Variants in YAP1 observed in about 807,000 individuals in gnomAD.
The protein encoded by YAP1 is transcriptional coactivator YAP1.
A neutral mutation model predicts 56.9 loss-of-function variants in YAP1; 5 were observed. The ratio of observed to expected loss-of-function variants is 0.09; its 90% confidence interval spans 0.05 to 0.18. YAP1 has a LOEUF of 0.18. Among genes scored for constraint, YAP1 ranks in the 10% least tolerant of loss-of-function variants. The pLI, the probability that YAP1 is intolerant of heterozygous loss-of-function variation, is 1.00. For synonymous variants in YAP1, 265 were observed against 248.1 expected (o/e 1.07, Z -0.64); for missense variants, 539 against 651.8 (o/e 0.83, Z 1.88).
At chr11:102,186,820 G>GTGTGTGTT in intron 4 of YAP1, 1 of 150,258 alleles carries the variant, frequency 6.7e-6, no homozygotes, top group East Asian at 1.9e-4. Flanking sequence ...AAAAATGTGT[G>GTGTGTGTT]TGTGTGTGTG....
chr11:102,113,140 C>G (rs1398747358), intron 1 of YAP1, among the ~76,000 whole-genome samples: 1 of 152,136 alleles, frequency 6.6e-6, no homozygotes, highest in Non-Finnish European at 1.5e-5. Context: ...CTGAGTCCTT[C>G]CAGTTTCCTT....
chr11:102,162,050 TTA>T (rs1281184728), intron 2 of YAP1, among the ~76,000 whole-genome samples: 1 of 152,200 alleles, frequency 6.6e-6, no homozygotes, highest in Non-Finnish European at 1.5e-5. Context: ...GGCCTAAAAA[TTA>T]TGTTATTTGG....
At chr11:102,180,862 C>T (rs1947567147) in intron 3 of YAP1, among the ~76,000 whole-genome samples, 1 of 151,768 alleles carries the variant, frequency 6.6e-6, no homozygotes, top group Admixed American at 6.6e-5. Flanking sequence ...AGTAGTAATT[C>T]TCGGTCGGGC....
At chr11:102,115,012 T>G (rs1028835035) in intron 2 of YAP1, among the ~76,000 whole-genome samples, 11 of 152,324 alleles carry the variant, frequency 7.2e-5, no homozygotes, top group Non-Finnish European at 1.6e-4. Context: ...CTAGTAGGTC[T>G]TCACAACAGA....
At chr11:102,186,470 A>T (rs1947954322) in intron 4 of YAP1, 1 of 301,218 alleles carries the variant, frequency 3.3e-6, no homozygotes, top group Non-Finnish European at 6.3e-6. Context: ...TCAGGCTGTC[A>T]TGCAACACCT....
rs1950464268 is a variant in YAP1, at chr11:102,232,407, A to G, written c.*2467A>G. The G allele has an allele frequency of 6.6e-6, 1 of 152,214 alleles. No individual in the cohort carries two copies. Among genetic ancestry groups the G allele is most frequent in the African/African-American group, 2.4e-5 (1 of 41,454 alleles). The allele number at this position is 152,214 out of a possible 1,614,324, so 9.4% of individuals were successfully genotyped here. Reference sequence around the variant, plus strand: ...GCTGTTCTAGAGTTTCAGTCACCTAAGTACACCCACAAAACAATATGAATA... The same window carrying G: ...GCTGTTCTAGAGTTTCAGTCACCTAGGTACACCCACAAAACAATATGAATA... On this transcript the variant is annotated 3_prime_UTR_variant, in exon 9 of 9. Coordinates refer to ENST00000282441, the MANE Select transcript of YAP1 (RefSeq NM_001130145.3).
intron 6 of YAP1, among the ~76,000 whole-genome samples, chr11:102,222,999 C>A (rs1214130513): frequency 6.6e-6 from 1 of 151,764 alleles, no homozygotes; most frequent in African/African-American, 2.4e-5. Context: ...AATCCCAGCA[C>A]TTTTGGGGGG....
chr11:102,225,732 C>T (rs1294184341), intron 7 of YAP1, among the ~76,000 whole-genome samples: 2 of 151,448 alleles, frequency 1.3e-5, no homozygotes, highest in Non-Finnish European at 2.9e-5. Flanking sequence ...AAGCACTGTG[C>T]TTACATCTGA....
chr11:102,211,491 T>C (rs1949402263), intron 6 of YAP1, among the ~76,000 whole-genome samples: 1 of 152,188 alleles, frequency 6.6e-6, no homozygotes, highest in Admixed American at 6.5e-5. Context: ...TTATATATGC[T>C]TTAGTTGTCA....
chr11:102,152,210 G>T (rs1378912031), intron 2 of YAP1, among the ~76,000 whole-genome samples: 1 of 152,136 alleles, frequency 6.6e-6, no homozygotes, highest in Non-Finnish European at 1.5e-5. Context: ...ATTCAATCTG[G>T]TTCACATATA....
chr11:102,167,328 T>A (rs1385448810), intron 3 of YAP1, among the ~76,000 whole-genome samples: 2 of 152,248 alleles, frequency 1.3e-5, no homozygotes, highest in African/African-American at 4.8e-5. Context: ...GGAAATGGAA[T>A]AATGTATTAA....
intron 2 of YAP1, among the ~76,000 whole-genome samples, chr11:102,140,386 CTAGGAT>C (rs1944945735): frequency 6.6e-6 from 1 of 152,092 alleles, no homozygotes; most frequent in Non-Finnish European, 1.5e-5. Context: ...ATATAATAAT[CTAGGAT>C]ATTTAAAAGT....
intron 2 of YAP1, among the ~76,000 whole-genome samples, chr11:102,116,382 C>T (rs867064219): frequency 2.6e-5 from 4 of 152,262 alleles, no homozygotes; most frequent in Middle Eastern, 3.4e-3. Flanking sequence ...GATTTTAGTA[C>T]ATGTAGGAGG....
At chr11:102,225,138 G>T (rs939991556) in intron 7 of YAP1, among the ~76,000 whole-genome samples, 7 of 150,520 alleles carry the variant, frequency 4.7e-5, no homozygotes, top group Admixed American at 1.3e-4. Context: ...AGTACCCCCA[G>T]TTTCTAATAA....
intron 3 of YAP1, 132 bp downstream of exon 3, chr11:102,162,703 C>G: frequency 1.2e-6 from 1 of 836,192 alleles, no homozygotes; most frequent in Middle Eastern, 2.3e-4. Context: ...CAGTTTCATA[C>G]AGAAGACATA....
chr11:102,116,037 A>T (rs1943265028), intron 2 of YAP1, among the ~76,000 whole-genome samples: 1 of 152,120 alleles, frequency 6.6e-6, no homozygotes, highest in Admixed American at 6.5e-5. Context: ...TGTAGGTGAT[A>T]CCTGCCTACG....
intron 2 of YAP1, among the ~76,000 whole-genome samples, chr11:102,156,041 G>C (rs1237749113): frequency 6.7e-6 from 1 of 149,622 alleles, no homozygotes; most frequent in Non-Finnish European, 1.5e-5. Flanking sequence ...CATCTTCACA[G>C]TTTTTTTTTT....
Position 102,205,981 on chromosome 11 carries a change from C to T in YAP1, c.891C>T (p.Gly297=). The stretch of plus-strand genomic sequence containing the variant: ...GCCCACAGGGAGGCGTCATGGGTGG[C>T]AGCAACTCCAACCAGCAGCAACAGA... ...PQSPQGGVMG[G]SNSNQQQQMR... is the part of the protein sequence containing the mutation. Residue 297 remains glycine (G), a synonymous_variant, in exon 5 of 9, where the codon GGC becomes GGT. Transcript: ENST00000282441. 3 of 1,613,772 alleles carry T rather than the reference C, an allele frequency of 1.9e-6. No homozygotes were observed. Among genetic ancestry groups the T allele is most frequent in the Non-Finnish European group, 2.5e-6 (3 of 1,179,970 alleles).
At chr11:102,159,630 G>A (rs755407065) in intron 2 of YAP1, among the ~76,000 whole-genome samples, 27 of 152,046 alleles carry the variant, frequency 1.8e-4, no homozygotes, top group East Asian at 9.7e-4. Context: ...GGCTTTTTGC[G>A]TACCAGGAGT....
Sources: gnomAD v4.1 joint callset for allele counts (sites outside exome capture counted in the v4.1 genomes callset) on GRCh38, gnomAD v4.1.1 for gene constraint, MANE v1.5 for transcripts, NCBI Gene and HGNC (gene_info 2026-07-23, HGNC 2026-07-21) for gene names.